CDH18: variants seen among roughly 807,000 people sequenced by gnomAD.
CDH18 encodes cadherin 18, also known as cadherin-18.
CDH18 carries 31 observed loss-of-function variants against 67.9 expected under a neutral mutation model. The observed-to-expected ratio is 0.46, with a 90% CI of 0.34 to 0.62. The LOEUF (loss-of-function observed/expected upper bound fraction) is 0.62. CDH18 is among the 20% of genes least tolerant of loss of function. CDH18 has a pLI of 0.01. For missense variants in CDH18, 890 were observed against 975.5 expected (o/e 0.91, Z 1.17); for synonymous variants, 362 against 347.2 (o/e 1.04, Z -0.48).
At chr5:19,542,851 ACT>A (rs756431929) in intron 9 of CDH18, among the ~76,000 whole-genome samples, 21 of 152,134 alleles carry the variant, frequency 1.4e-4, no homozygotes, top group African/African-American at 4.6e-4. Flanking sequence ...TGGATGTGTA[ACT>A]CTGTGAATAT....
At chr5:20,152,604 C>T (rs1751212280) in intron 2 of CDH18, among the ~76,000 whole-genome samples, 1 of 152,022 alleles carries the variant, frequency 6.6e-6, no homozygotes, top group African/African-American at 2.4e-5. Flanking sequence ...TATCTCCTCA[C>T]AGAGGGCTAA....
chr5:19,811,082 GAA>G, intron 3 of CDH18, among the ~76,000 whole-genome samples: 1 of 14,258 alleles, frequency 7.0e-5, no homozygotes, highest in Non-Finnish European at 1.3e-4. Flanking sequence ...AAGAGAAAAA[GAA>G]AGAAAGAAAG....
rs187740207 is a variant in CDH18, at chr5:19,939,858, G to A, written c.-257+41202C>T. Among the ~76,000 whole-genome samples the A allele has an allele frequency of 2.0e-5, 3 of 151,960 alleles. 1 individual carries two copies. The East Asian group carries it at 5.8e-4, about 29-fold the overall frequency. On this transcript the variant is annotated intron_variant, in intron 2 of 12. Coordinates refer to ENST00000382275, the MANE Select transcript of CDH18 (RefSeq NM_004934.5). ...TGGAAAGACTCATCAATTTAAAGGA[G>A]ACTTTACTTAATTTAAATGCTTTAT...
intron 1 of CDH18, among the ~76,000 whole-genome samples, chr5:20,495,344 C>A (rs1753842303): frequency 6.6e-6 from 1 of 151,768 alleles, no homozygotes; most frequent in Admixed American, 6.6e-5. Context: ...TCAACCGAGA[C>A]AACAAATGTC....
chr5:19,855,175 T>C (rs1176399689), intron 2 of CDH18, among the ~76,000 whole-genome samples: 1 of 152,116 alleles, frequency 6.6e-6, no homozygotes, highest in South Asian at 2.1e-4. Flanking sequence ...CGAACTTTAT[T>C]TCTTATCTCT....
chr5:19,854,846 T>C (rs1784087321), intron 2 of CDH18, among the ~76,000 whole-genome samples: 1 of 151,992 alleles, frequency 6.6e-6, no homozygotes, highest in East Asian at 1.9e-4. Context: ...TGTATTTTTG[T>C]ATCCATTAAC....
At chr5:20,353,455 T>C (rs553398016) in intron 1 of CDH18, among the ~76,000 whole-genome samples, 1 of 152,338 alleles carries the variant, frequency 6.6e-6, no homozygotes, top group Admixed American at 6.5e-5. Flanking sequence ...AAAGATATGC[T>C]AGATTTCCCC....
rs1279661115 is a variant in CDH18, at chr5:19,960,647, A to AC, written c.-257+20412dup. Among the ~76,000 whole-genome samples the AC allele has an allele frequency of 1.1e-3, 137 of 121,346 alleles. 5 individuals carry two copies. The highest frequency in any genetic ancestry group is 5.7e-3 in the African/African-American group (115 of 20,078). The allele number at this position is 121,346 out of a possible 152,430, so 79.6% of individuals were successfully genotyped here. On this transcript the variant is annotated intron_variant, in intron 2 of 12. Transcript: ENST00000382275. ...TACACGTGTATATGTATACATATAC[A>AC]CGTGTATATATATATACACATGTAT...
chr5:20,391,160 G>A (rs1234530307), intron 1 of CDH18, among the ~76,000 whole-genome samples: 4 of 151,752 alleles, frequency 2.6e-5, no homozygotes, highest in African/African-American at 7.3e-5. Flanking sequence ...TAAAAATAAA[G>A]TTTGTGGCAA....
intron 10 of CDH18, among the ~76,000 whole-genome samples, chr5:19,513,615 A>G (rs1745461877): frequency 6.6e-6 from 1 of 151,926 alleles, no homozygotes; most frequent in Non-Finnish European, 1.5e-5. Context: ...AAATTGATTT[A>G]TTTTTCTAAC....
intron 1 of CDH18, among the ~76,000 whole-genome samples, chr5:20,464,050 C>A (rs1751462107): frequency 6.6e-6 from 1 of 152,086 alleles, no homozygotes; most frequent in Non-Finnish European, 1.5e-5. Context: ...CCAGTGACTT[C>A]CTTGTACTAT....
chr5:20,417,440 A>C (rs1192094229), intron 1 of CDH18, among the ~76,000 whole-genome samples: 2 of 152,202 alleles, frequency 1.3e-5, no homozygotes, highest in Non-Finnish European at 2.9e-5. Context: ...GAACTAATAT[A>C]TATTTATGCT....
intron 2 of CDH18, among the ~76,000 whole-genome samples, chr5:19,924,616 ACT>A (rs1331202860): frequency 2.0e-5 from 3 of 152,134 alleles, no homozygotes; most frequent in Non-Finnish European, 4.4e-5. Flanking sequence ...AAAGAGCAAG[ACT>A]CTGTCTCAAA....
intron 8 of CDH18, among the ~76,000 whole-genome samples, chr5:19,551,460 T>C (rs1204392434): frequency 6.6e-6 from 1 of 152,146 alleles, no homozygotes; most frequent in Non-Finnish European, 1.5e-5. Context: ...GCTGTATCAC[T>C]TAGCATTGTG....
chr5:20,207,968 A>G (rs911613002), intron 2 of CDH18, among the ~76,000 whole-genome samples: 2 of 152,142 alleles, frequency 1.3e-5, no homozygotes, highest in African/African-American at 4.8e-5. Flanking sequence ...AAAAACAAAC[A>G]TAAACACCAA....
Position 19,855,492 on chromosome 5 carries a change from T to G in CDH18, c.-256-16250A>C, listed in dbSNP as rs73764246. Among the ~76,000 whole-genome samples the G allele has an allele frequency of 2.2e-3, 341 of 152,250 alleles. 1 individual carries two copies. The highest frequency in any genetic ancestry group is 7.7e-3 in the African/African-American group (321 of 41,556). On this transcript the variant is annotated intron_variant, in intron 2 of 12. Coordinates refer to ENST00000382275, the MANE Select transcript of CDH18 (RefSeq NM_004934.5). ...TTCTCTGTGTACATTTTATTTTATT[T>G]TTTTTCTTGTTTTAAGCAATACATT...
chr5:20,340,625 T>G (rs112228340), intron 1 of CDH18, among the ~76,000 whole-genome samples: 64 of 152,204 alleles, frequency 4.2e-4, no homozygotes, highest in Admixed American at 2.4e-3. Context: ...GTAGGATGGA[T>G]GGGTCATGGG....
chr5:19,837,047 G>A (rs1010178419), intron 3 of CDH18, among the ~76,000 whole-genome samples: 5 of 152,030 alleles, frequency 3.3e-5, no homozygotes, highest in Non-Finnish European at 7.4e-5. Flanking sequence ...AATAAAATGT[G>A]ACACATTTAT....
At chr5:20,564,916 G>A (rs913660906) in intron 1 of CDH18, among the ~76,000 whole-genome samples, 1 of 152,090 alleles carries the variant, frequency 6.6e-6, no homozygotes, top group Non-Finnish European at 1.5e-5. Flanking sequence ...TTAAATGTAC[G>A]GCAAAACTTT....
Sources: allele counts gnomAD v4.1 joint callset (sites outside exome capture counted in the v4.1 genomes callset), GRCh38; gene constraint gnomAD v4.1.1; transcripts MANE v1.5; gene names NCBI Gene and HGNC (gene_info 2026-07-23, HGNC 2026-07-21).